ZNF469: variants seen among roughly 807,000 people sequenced by gnomAD.
ZNF469 encodes the protein zinc finger protein 469.
ZNF469 carries 1 observed loss-of-function variant against 1.0 expected under a neutral mutation model. The observed-to-expected ratio is 1.00, with a 90% CI of 0.35 to 4.73. ZNF469 has a LOEUF of 4.73. Ranked by LOEUF, ZNF469 falls within the 30% of genes most tolerant of loss-of-function variation. The pLI, the probability that ZNF469 is intolerant of heterozygous loss-of-function variation, is 0.16. For missense variants in ZNF469, 6,100 were observed against 5,356.3 expected (o/e 1.14, Z -4.33); for synonymous variants, 2,703 against 2,363.4 (o/e 1.14, Z -4.17).
At chr16:88,253,001 GT>G in the ZNF469 span, among the ~76,000 whole-genome samples, 5 of 152,296 alleles carry the variant, frequency 3.3e-5, no homozygotes, top group South Asian at 6.2e-4. Flanking sequence ...TTCACATGGT[GT>G]TTTTGAGATT....
the ZNF469 span, among the ~76,000 whole-genome samples, chr16:88,302,740 C>T: frequency 6.6e-6 from 1 of 152,186 alleles, no homozygotes; most frequent in Non-Finnish European, 1.5e-5. Flanking sequence ...TCCCTGCTGG[C>T]TGCTCTGTAG....
chr16:88,226,964 G>A, the ZNF469 span, among the ~76,000 whole-genome samples: 1 of 151,950 alleles, frequency 6.6e-6, no homozygotes. Context: ...GTTTCCACCC[G>A]TGCCTCCTCC....
chr16:88,360,072 T>G, the ZNF469 span, among the ~76,000 whole-genome samples: 99,988 of 152,076 alleles, frequency 0.66, 33,189 homozygotes, highest in Middle Eastern at 0.71. Flanking sequence ...GGCCAGGCTG[T>G]TCTCAAACTC....
chr16:88,397,716 AAG>A (rs142429391), intron 1 of ZNF469, among the ~76,000 whole-genome samples: 8 of 144,268 alleles, frequency 5.5e-5, no homozygotes, highest in East Asian at 2.0e-4. Context: ...TACGCGAGGA[AAG>A]AGAGAGAGAG....
At chr16:88,153,579 G>A in the ZNF469 span, among the ~76,000 whole-genome samples, 1 of 152,242 alleles carries the variant, frequency 6.6e-6, no homozygotes, top group South Asian at 2.1e-4. Flanking sequence ...CAGGCGAGAA[G>A]GTCATAGCAG....
chr16:88,371,961 CA>C, the ZNF469 span, among the ~76,000 whole-genome samples: 1 of 138,548 alleles, frequency 7.2e-6, no homozygotes, highest in Non-Finnish European at 1.6e-5. Flanking sequence ...TCACCACCAT[CA>C]TCACCATCAC....
chr16:88,144,750 C>T, the ZNF469 span, among the ~76,000 whole-genome samples: 12 of 152,188 alleles, frequency 7.9e-5, no homozygotes, highest in African/African-American at 2.9e-4. Flanking sequence ...AGAAGTTCAA[C>T]TTGTTGGGTT....
At chr16:88,264,526 T>G in the ZNF469 span, among the ~76,000 whole-genome samples, 1 of 141,238 alleles carries the variant, frequency 7.1e-6, no homozygotes, top group East Asian at 2.2e-4. Flanking sequence ...CACCTTCCAA[T>G]ACCTGCTGAG....
intron 1 of ZNF469, among the ~76,000 whole-genome samples, chr16:88,410,886 G>A (rs1905140140): frequency 6.6e-6 from 1 of 152,146 alleles, no homozygotes; most frequent in Non-Finnish European, 1.5e-5. Context: ...TCAGGCCCCT[G>A]GAGAAGGTCC....
At chr16:88,394,094 C>T (rs116032873) in intron 1 of ZNF469, among the ~76,000 whole-genome samples, 2,895 of 133,492 alleles carry the variant, frequency 0.022, 161 homozygotes, top group African/African-American at 0.072. Context: ...GGGTTTGACA[C>T]GACTACACCT....
At chr16:88,271,393 G>T in the ZNF469 span, among the ~76,000 whole-genome samples, 1 of 132,922 alleles carries the variant, frequency 7.5e-6, no homozygotes, top group Non-Finnish European at 1.7e-5. Flanking sequence ...TGAGAAGGTG[G>T]CCTAGACTAG....
At chr16:88,287,416 C>T in the ZNF469 span, among the ~76,000 whole-genome samples, 3 of 152,210 alleles carry the variant, frequency 2.0e-5, no homozygotes, top group African/African-American at 4.8e-5. Flanking sequence ...ACCGCACCAG[C>T]GGAGCCCAGC....
chr16:88,367,074 A>C, the ZNF469 span, among the ~76,000 whole-genome samples: 1 of 152,218 alleles, frequency 6.6e-6, no homozygotes, highest in Non-Finnish European at 1.5e-5. Context: ...ACTTGAGGGC[A>C]AGATCCATGT....
chr16:88,353,829 C>T, the ZNF469 span, among the ~76,000 whole-genome samples: 2 of 152,150 alleles, frequency 1.3e-5, no homozygotes, highest in African/African-American at 2.4e-5. Flanking sequence ...CCTGGGGCCT[C>T]CGGCAGCTGG....
the ZNF469 span, among the ~76,000 whole-genome samples, chr16:88,281,608 T>TCAGTGCATGGATTG: frequency 6.6e-6 from 1 of 151,072 alleles, no homozygotes; most frequent in South Asian, 2.1e-4. Flanking sequence ...GGTGCGTGGG[T>TCAGTGCATGGATTG]TAATGCTGTG....
At chr16:88,380,900 ACACAC>A, upstream of ZNF469, among the ~76,000 whole-genome samples, 1 of 127,584 alleles carries the variant, frequency 7.8e-6, no homozygotes, top group African/African-American at 3.7e-5. Context: ...ATGCACTCAC[ACACAC>A]TCACAGACAT....
intron 1 of ZNF469, among the ~76,000 whole-genome samples, chr16:88,422,520 G>A (rs1197020283): frequency 2.1e-5 from 3 of 141,516 alleles, no homozygotes; most frequent in Non-Finnish European, 4.6e-5. Context: ...ATGATGGGTG[G>A]ATGAATGCAT....
At chr16:88,160,945 C>G in the ZNF469 span, among the ~76,000 whole-genome samples, 1 of 152,200 alleles carries the variant, frequency 6.6e-6, no homozygotes, top group Non-Finnish European at 1.5e-5. Context: ...GAGTTCAAGA[C>G]CAGCCTGGCC....
At chr16:88,239,186 G>A in the ZNF469 span, among the ~76,000 whole-genome samples, 5 of 152,188 alleles carry the variant, frequency 3.3e-5, no homozygotes, top group African/African-American at 9.6e-5. Context: ...CTCTGCCATC[G>A]GCTATTCTCT....
Sources: gnomAD v4.1 joint callset for allele counts (sites outside exome capture counted in the v4.1 genomes callset) on GRCh38, gnomAD v4.1.1 for gene constraint, MANE v1.5 for transcripts, NCBI Gene and HGNC (gene_info 2026-07-23, HGNC 2026-07-21) for gene names.